Variants in DNAH17 observed in about 807,000 individuals in gnomAD.
DNAH17 encodes dynein axonemal heavy chain 17, also known as axonemal beta dynein heavy chain 17.
In DNAH17, 376 loss-of-function variants were observed where a neutral mutation model predicts 485.6. That is an observed-to-expected ratio of 0.77 (90% confidence interval 0.71 to 0.84). The LOEUF (loss-of-function observed/expected upper bound fraction) is 0.84, where lower values mean the gene tolerates loss of function less well. Ranked by LOEUF, DNAH17 falls within the 40% of genes least tolerant of loss-of-function variation. The pLI, the probability that DNAH17 is intolerant of heterozygous loss-of-function variation, is 0.00. For missense variants in DNAH17, 6,370 were observed against 5,839.3 expected (o/e 1.09, Z -2.96); for synonymous variants, 3,031 against 2,405.9 (o/e 1.26, Z -7.60).
At chr17:78,446,173 C>CAAAAAAAAAAAAA (rs1157464118) in intron 69 of DNAH17, among the ~76,000 whole-genome samples, 2 of 57,398 alleles carry the variant, frequency 3.5e-5, no homozygotes, top group Non-Finnish European at 5.7e-5. Context: ...GACTCTGTCT[C>CAAAAAAAAAAAAA]AAAAAAAAAA....
In DNAH17 at chr17:78,437,664, T is replaced by TACCTGG. The variant is rs2086893912; in HGVS notation, c.12009_12010insCCAGGT (p.His4003_Lys4004insProGly). 6.2e-7 allele frequency: 1 copy of TACCTGG among 1,610,484 alleles called. No individual in the cohort carries two copies. On this transcript the variant is annotated inframe_insertion, in exon 74 of 81. Coordinates refer to ENST00000389840, the MANE Select transcript of DNAH17 (RefSeq NM_173628.4). ...ACCTGGGTGAACAGGTCCAGGGCCT[T>TACCTGG]GTGCAAGTTGGCGTGCATGCCCGTG...
At chr17:78,461,870 AAAGT>A (rs753924361) in intron 57 of DNAH17, among the ~76,000 whole-genome samples, 162 bp from the exon 58 acceptor site, 49 of 152,138 alleles carry the variant, frequency 3.2e-4, no homozygotes, top group Non-Finnish European at 5.7e-4. Context: ...CAATATCTTA[AAAGT>A]AAGTTATAAA....
rs927551330 is a variant in DNAH17 at position 78,423,861 on chromosome 17, T to G, written c.*45A>C. 1.2e-6 allele frequency: 2 copies of G among 1,605,672 alleles called. No individual in the cohort carries two copies. The highest frequency in any genetic ancestry group is 2.7e-5 in the African/African-American group (2 of 74,758). ...ACAGGTGCACAGGTGAAGGGCTGAGTTGTGGTCCAGCCCCAGGGAGTGTGG... is the reference window on the plus strand; with the variant it reads ...ACAGGTGCACAGGTGAAGGGCTGAGGTGTGGTCCAGCCCCAGGGAGTGTGG... On this transcript the variant is annotated 3_prime_UTR_variant, in exon 81 of 81. Coordinates refer to ENST00000389840, the MANE Select transcript of DNAH17 (RefSeq NM_173628.4).
intron 26 of DNAH17, 149 bp from the exon 27 acceptor site, chr17:78,510,655 G>T: frequency 9.7e-7 from 1 of 1,027,146 alleles, no homozygotes; most frequent in Non-Finnish European, 1.4e-6. Flanking sequence ...GCCATTTTCA[G>T]CTCTGAGACT....
At chr17:78,499,355 G>GGAC in intron 36 of DNAH17, 1 of 363,054 alleles carries the variant, frequency 2.8e-6, no homozygotes, top group Non-Finnish European at 4.9e-6. Flanking sequence ...CCCAGGATGG[G>GGAC]GACTTCCTGG....
chr17:78,466,814 C>A lies in DNAH17; in HGVS notation c.8781G>T (p.Val2927=). The A allele has an allele frequency of 1.9e-6, 3 of 1,583,084 alleles. No individual in the cohort carries two copies. The highest frequency in any genetic ancestry group is 2.6e-6 in the Non-Finnish European group (3 of 1,165,364). ...FIEKVRRQLK[V]ILCFSPVGSV... is the part of the protein sequence containing the mutation. ...AGCCCACAGGGGAGAAACACAGGATCACCTGGGTGTGGGAGACACAGATGC... is the reference window on the plus strand; with the variant it reads ...AGCCCACAGGGGAGAAACACAGGATAACCTGGGTGTGGGAGACACAGATGC... The change falls in exon 56 of 81, where the codon GTG becomes GTT. Residue 2927 remains valine, a splice_region_variant and synonymous_variant. Transcript: ENST00000389840.
At chr17:78,490,987 C>T in intron 43 of DNAH17, 140 bp from the exon 44 acceptor site, 1 of 1,109,038 alleles carries the variant, frequency 9.0e-7, no homozygotes, top group Non-Finnish European at 1.2e-6. Flanking sequence ...TGGCCCACAG[C>T]CCTAGTCCCT....
At chr17:78,561,271 C>T (rs577495940) in intron 12 of DNAH17, among the ~76,000 whole-genome samples, 73 of 151,954 alleles carry the variant, frequency 4.8e-4, no homozygotes, top group African/African-American at 1.8e-3. Flanking sequence ...CAAATACGCC[C>T]CCCAAACAAC....
In DNAH17 at chr17:78,437,778, T is replaced by G. The variant is rs142644152; in HGVS notation, c.11896A>C (p.Ile3966Leu). 5.6e-5 allele frequency: 90 copies of G among 1,612,484 alleles called. No homozygotes were observed. Among genetic ancestry groups the G allele is most frequent in the Non-Finnish European group, 6.8e-5 (80 of 1,179,776 alleles). Residue 3966 changes from isoleucine (I) to leucine (L), a missense_variant, in exon 74 of 81, where the codon ATC becomes CTC. By Grantham distance (5) the Ile-to-Leu change is conservative. Coordinates refer to ENST00000389840, the MANE Select transcript of DNAH17 (RefSeq NM_173628.4). ...GGGCTGGGGGCAGGCTCCGCGCTGA[T>G]GAACACCCGGTAGTCCTCATGGCTG... ...TGSHEDYRVFISAEPAPSPET... is the reference protein window; with the variant it reads ...TGSHEDYRVFLSAEPAPSPET...
At chr17:78,479,353 CAT>C in intron 50 of DNAH17, 130 bp downstream of exon 50, 1 of 1,252,432 alleles carries the variant, frequency 8.0e-7, no homozygotes, top group Non-Finnish European at 1.1e-6. Flanking sequence ...CCTGTCGAAA[CAT>C]AGCATCGTTT....
chr17:78,508,969 GTTT>G lies in DNAH17; in HGVS notation c.4237-1167_4237-1165del, dbSNP rs112772580. 9.1e-5 allele frequency among the ~76,000 whole-genome samples: 9 copies of G among 98,784 alleles called. No individual in the cohort carries two copies. The South Asian group carries it at 1.4e-3, about 15-fold the overall frequency. The allele number at this position is 98,784 out of a possible 152,430, so 64.8% of individuals were successfully genotyped here. Reference sequence around the variant, plus strand: ...GGTGTGTGTCATCATGTGCCCAGCTGTTTTTTTTTTTTTTTGAGATGGAGTCTC... The same window carrying G: ...GGTGTGTGTCATCATGTGCCCAGCTGTTTTTTTTTTTTGAGATGGAGTCTC... On this transcript the variant is annotated intron_variant, in intron 27 of 80. Coordinates refer to ENST00000389840, the MANE Select transcript of DNAH17 (RefSeq NM_173628.4).
At chr17:78,495,392 C>T (rs2090032458) in intron 38 of DNAH17, among the ~76,000 whole-genome samples, 1 of 151,904 alleles carries the variant, frequency 6.6e-6, no homozygotes, top group South Asian at 2.1e-4. Context: ...CAGGGGAAGA[C>T]AGAGTGCTTT....
At chr17:78,544,330 C>T (rs1294161325) in intron 16 of DNAH17, among the ~76,000 whole-genome samples, 1 of 152,164 alleles carries the variant, frequency 6.6e-6, no homozygotes, top group Non-Finnish European at 1.5e-5. Flanking sequence ...GACGGAAGGA[C>T]CCGAGCGTCG....
intron 71 of DNAH17, 136 bp downstream of exon 71, chr17:78,444,468 T>G: frequency 1.2e-6 from 1 of 809,226 alleles, no homozygotes; most frequent in South Asian, 1.9e-5. Context: ...CTGTTTCGTT[T>G]CTGTGTAAAA....
At position 78,429,089 on chromosome 17, in the gene DNAH17, C is replaced by G. The variant is rs147263705; in HGVS notation, c.12405+32G>C. The G allele has an allele frequency of 4.4e-6, 7 of 1,602,486 alleles. No individual in the cohort carries two copies. The East Asian group carries it at 9.0e-5, about 21-fold the overall frequency. On this transcript the variant is annotated intron_variant, in intron 76 of 80. Transcript: ENST00000389840. Reference sequence around the variant, plus strand: ...CACCGGGAGGCACGAGCCTTCATTACGTTGAGCTCCTGTTTAACTTGTCAT... The same window carrying G: ...CACCGGGAGGCACGAGCCTTCATTAGGTTGAGCTCCTGTTTAACTTGTCAT...
Position 78,484,836 on chromosome 17 carries a change from ACGCCTTCCCCTCCGGCCC to A in DNAH17, c.7649+14_7649+31del, listed in dbSNP as rs776870969. On this transcript the variant is annotated intron_variant, in intron 48 of 80. Transcript: ENST00000389840. ...GCCCCGCCCTCACCGCCCCGGGGCC[ACGCCTTCCCCTCCGGCCC>A]CGCCCCGTCTAACCAGTGCCGGTGG... The A allele has an allele frequency of 7.7e-5, 100 of 1,299,478 alleles. No individual in the cohort carries two copies. The highest frequency in any genetic ancestry group is 8.9e-5 in the Non-Finnish European group (89 of 998,636). 80.5% of individuals were successfully genotyped at this position (1,299,478 alleles called of 1,614,324 possible).
At chr17:78,466,182 G>T (rs1238030764) in intron 56 of DNAH17, among the ~76,000 whole-genome samples, 1 of 152,216 alleles carries the variant, frequency 6.6e-6, no homozygotes, top group Non-Finnish European at 1.5e-5. Context: ...AGGGTTGAAT[G>T]GATTAAGGGC....
Position 78,542,905 on chromosome 17 carries a change from G to A in DNAH17, c.2532+952C>T, listed in dbSNP as rs186955950. 5.3e-5 allele frequency among the ~76,000 whole-genome samples: 8 copies of A among 152,272 alleles called. No individual in the cohort carries two copies. The South Asian group carries it at 6.2e-4, about 12-fold the overall frequency. On this transcript the variant is annotated intron_variant, in intron 17 of 80. Coordinates refer to ENST00000389840, the MANE Select transcript of DNAH17 (RefSeq NM_173628.4). The stretch of plus-strand genomic sequence containing the variant: ...CCACGGGGGATACCGATAAACACAC[G>A]GTGCCCACCCTCGGCAGCTCATCCT...
rs1169925588 is a variant in DNAH17, at chr17:78,455,743, C to G, written c.10071G>C (p.Leu3357=). 6.2e-7 allele frequency: 1 copy of G among 1,612,782 alleles called. No individual in the cohort carries two copies. Among genetic ancestry groups the G allele is most frequent in the East Asian group, 2.2e-5 (1 of 44,852 alleles). ...CGTAGGACACGAAGGCAGAGATGAG[C>G]AGGACGTCCCCACACAGCGTGACCC... is the stretch of plus-strand genomic sequence containing the variant. ...SQGVTLCGDV[L]LISAFVSYVG... Residue 3357 remains leucine, a synonymous_variant, in exon 63 of 81, where the codon CTG becomes CTC. Transcript: ENST00000389840.
Sources: gnomAD v4.1 joint callset for allele counts (sites outside exome capture counted in the v4.1 genomes callset) on GRCh38, gnomAD v4.1.1 for gene constraint, MANE v1.5 for transcripts, NCBI Gene and HGNC (gene_info 2026-07-23, HGNC 2026-07-21) for gene names.